MTF1: variants seen among roughly 807,000 people sequenced by gnomAD.
The protein encoded by MTF1 is MRE-binding transcription factor.
A neutral mutation model predicts 70.4 loss-of-function variants in MTF1; 22 were observed. The observed-to-expected ratio is 0.31, with a 90% CI of 0.22 to 0.45. The LOEUF (loss-of-function observed/expected upper bound fraction) is 0.45. Ranked by LOEUF, MTF1 falls within the 20% of genes least tolerant of loss-of-function variation. The pLI, the probability that MTF1 is intolerant of heterozygous loss-of-function variation, is 1.00. For missense variants in MTF1, 649 were observed against 922.0 expected, an observed-to-expected ratio of 0.70 and a Z score of 3.83; for synonymous variants, 333 against 352.8, an observed-to-expected ratio of 0.94 and a Z score of 0.63.
At chr1:37,857,736 A>G in intron 1 of MTF1, 27 bp from the exon 2 acceptor site, 1 of 1,460,882 alleles carries the variant, frequency 6.8e-7, no homozygotes, top group Admixed American at 1.9e-5. Flanking sequence ...CCAGAGTTAG[A>G]GTCATACCAC....
chr1:37,818,080 A>C (rs779600430), intron 9 of MTF1, among the ~76,000 whole-genome samples: 32 of 152,182 alleles, frequency 2.1e-4, no homozygotes, highest in Non-Finnish European at 3.7e-4. Context: ...TTAACTTCTT[A>C]AGAGTCTTGT....
intron 7 of MTF1, among the ~76,000 whole-genome samples, chr1:37,828,531 C>T (rs1339831682): frequency 6.6e-6 from 1 of 152,156 alleles, no homozygotes; most frequent in African/African-American, 2.4e-5. Context: ...TCTCAAACTC[C>T]TGACCTCAGG....
chr1:37,819,091 G>A (rs1401839306), intron 9 of MTF1, among the ~76,000 whole-genome samples: 1 of 152,110 alleles, frequency 6.6e-6, no homozygotes, highest in East Asian at 1.9e-4. Flanking sequence ...CTCTGCAGAG[G>A]GTCCACACCA....
At chr1:37,855,341 G>A (rs1641474340) in intron 2 of MTF1, among the ~76,000 whole-genome samples, 1 of 152,128 alleles carries the variant, frequency 6.6e-6, no homozygotes, top group Admixed American at 6.5e-5. Flanking sequence ...AATCAGAGCT[G>A]GCTAACAAAT....
rs1641234013 is a variant in MTF1, at chr1:37,840,174, T to C, written c.409-16A>G. The C allele has an allele frequency of 6.2e-7, 1 of 1,612,300 alleles. No individual in the cohort carries two copies. Among genetic ancestry groups the C allele is most frequent in the South Asian group, 1.1e-5 (1 of 90,996 alleles). Reference sequence around the variant, plus strand: ...ACCGCTTTACCTGGCAGAGAAAAGATACCTCATCAACAGGACAAAAATGCT... The same window carrying C: ...ACCGCTTTACCTGGCAGAGAAAAGACACCTCATCAACAGGACAAAAATGCT... On this transcript the variant is annotated splice_polypyrimidine_tract_variant and intron_variant, in intron 2 of 10. Transcript: ENST00000373036. This position sits in a 1 kb window ranked among gnomAD's most constrained non-coding sequence, Gnocchi z 4.5.
chr1:37,815,011 T>C lies in MTF1; in HGVS notation c.*125A>G. ...GGGATGTGAATAAAGAAAATACGTC[T>C]GAAAGGTGAGGATTTCAAACAGTAG... is the stretch of plus-strand genomic sequence containing the variant. On this transcript the variant is annotated 3_prime_UTR_variant, in exon 11 of 11. Coordinates refer to ENST00000373036, the MANE Select transcript of MTF1 (RefSeq NM_005955.3). The surrounding 1 kb of genome is among the most constrained non-coding windows in gnomAD (Gnocchi z 4.5). 1 of 773,884 alleles carries C rather than the reference T, an allele frequency of 1.3e-6. No individual in the cohort carries two copies. The highest frequency in any genetic ancestry group is 1.9e-5 in the South Asian group (1 of 53,784). 47.9% of individuals were successfully genotyped at this position (773,884 alleles called of 1,614,324 possible).
chr1:37,816,225 G>C (rs907573368), intron 10 of MTF1, among the ~76,000 whole-genome samples: 2 of 152,176 alleles, frequency 1.3e-5, no homozygotes, highest in African/African-American at 4.8e-5. Flanking sequence ...TGTGTGTCTT[G>C]ACAGAGCTAA....
intron 2 of MTF1, among the ~76,000 whole-genome samples, chr1:37,852,322 A>G (rs1641428225): frequency 6.6e-6 from 1 of 152,178 alleles, no homozygotes; most frequent in South Asian, 2.1e-4. Flanking sequence ...TTCTCCAAGG[A>G]CTATACATTC....
At chr1:37,847,104 C>A (rs1214353668) in intron 2 of MTF1, among the ~76,000 whole-genome samples, 1 of 152,174 alleles carries the variant, frequency 6.6e-6, no homozygotes, top group African/African-American at 2.4e-5. Context: ...TTTCGACAGG[C>A]CTCCCATCCC....
chr1:37,827,042 T>C (rs1641012669), intron 7 of MTF1, among the ~76,000 whole-genome samples: 1 of 152,126 alleles, frequency 6.6e-6, no homozygotes, highest in Admixed American at 6.6e-5. Flanking sequence ...AGGCCAATAG[T>C]GTGACTTTCA....
intron 3 of MTF1, 33 bp downstream of exon 3, chr1:37,839,887 A>C: frequency 6.4e-7 from 1 of 1,550,784 alleles, no homozygotes; most frequent in Non-Finnish European, 8.9e-7. Flanking sequence ...GGTCAAGGTC[A>C]GAGGCTGGCA....
chr1:37,853,516 C>T (rs1296088268), intron 2 of MTF1, among the ~76,000 whole-genome samples: 1 of 152,162 alleles, frequency 6.6e-6, no homozygotes, highest in Non-Finnish European at 1.5e-5. Flanking sequence ...TTATAGCCTG[C>T]AAAGCCCAGA....
In MTF1 at chr1:37,815,305, C is replaced by G; in HGVS notation, c.2093G>C (p.Ser698Thr). Residue 698 changes from serine to threonine, a missense_variant, in exon 11 of 11, where the codon AGC becomes ACC. By Grantham distance (58) the Ser-to-Thr change is moderately conservative (BLOSUM62 1). Transcript: ENST00000373036. This position sits in a 1 kb window ranked among gnomAD's most constrained non-coding sequence, Gnocchi z 4.5. ...GTCTGAAGGAGTCTCTGCTTGTCGG[C>G]TTTGCTCACAGGAGGAGGGCAAGGT... ...SSTLPSSCEQ[S>T]RQAETPSDPQ... 1 of 1,614,094 alleles carries G rather than the reference C, an allele frequency of 6.2e-7. No homozygotes were observed. Among genetic ancestry groups the G allele is most frequent in the Non-Finnish European group, 8.5e-7 (1 of 1,180,040 alleles).
chr1:37,847,318 G>A (rs1402230406), intron 2 of MTF1, among the ~76,000 whole-genome samples: 4 of 152,154 alleles, frequency 2.6e-5, no homozygotes, highest in Non-Finnish European at 5.9e-5. Flanking sequence ...TTCAAATCTC[G>A]GTTCTACCAG....
Position 37,817,337 on chromosome 1 carries a change from A to G in MTF1, c.1831+82T>C, listed in dbSNP as rs879160803. The G allele has an allele frequency of 2.1e-5, 18 of 853,526 alleles. No individual in the cohort carries two copies. The South Asian group carries it at 2.6e-4, about 12-fold the overall frequency. The allele number at this position is 853,526 out of a possible 1,614,324, so 52.9% of individuals were successfully genotyped here. A position where few individuals can be genotyped will look rare whatever the true frequency, so the allele number is the denominator to read the frequency against. ...GTTTAAAGATTTTTAAAGTTTTAGA[A>G]ACTGGGACAAAGCAATAATTAGCTG... On this transcript the variant is annotated intron_variant, in intron 10 of 10. Transcript: ENST00000373036.
chr1:37,827,402 GGCTGGAGT>G (rs1199707746), intron 7 of MTF1, among the ~76,000 whole-genome samples: 15 of 151,126 alleles, frequency 9.9e-5, no homozygotes, highest in Admixed American at 9.9e-4. Context: ...CTGTTGCCCA[GGCTGGAGT>G]GCAGTGACAT....
intron 7 of MTF1, among the ~76,000 whole-genome samples, chr1:37,829,162 G>A (rs1307613284): frequency 6.6e-6 from 1 of 150,634 alleles, no homozygotes; most frequent in Non-Finnish European, 1.5e-5. Context: ...CTGTTGCCCA[G>A]GCTGGAATGC....
In MTF1 at chr1:37,817,497, A is replaced by G. The variant is rs1381571217; in HGVS notation, c.1768-15T>C. 2 of 1,598,974 alleles carry G rather than the reference A, an allele frequency of 1.3e-6. No homozygotes were observed. The highest frequency in any genetic ancestry group is 2.7e-5 in the African/African-American group (2 of 74,624). On this transcript the variant is annotated splice_polypyrimidine_tract_variant and intron_variant, in intron 9 of 10. Coordinates refer to ENST00000373036, the MANE Select transcript of MTF1 (RefSeq NM_005955.3). ...GATGCTTGCTGCTGAAAAAAGAAAAAGAAATCTCATTTATAGCCACTGTAA... is the reference window on the plus strand; with the variant it reads ...GATGCTTGCTGCTGAAAAAAGAAAAGGAAATCTCATTTATAGCCACTGTAA...
intron 2 of MTF1, among the ~76,000 whole-genome samples, chr1:37,852,307 T>C (rs993754068): frequency 6.6e-6 from 1 of 152,236 alleles, no homozygotes; most frequent in Non-Finnish European, 1.5e-5. Flanking sequence ...TTGTTCATGT[T>C]ACTTTTCTCC....
Sources: gnomAD v4.1 joint callset for allele counts (sites outside exome capture counted in the v4.1 genomes callset) on GRCh38, gnomAD v4.1.1 for gene constraint, Gnocchi (gnomAD v3.1) non-coding constraint, MANE v1.5 for transcripts, NCBI Gene and HGNC (gene_info 2026-07-23, HGNC 2026-07-21) for gene names.